The following DIS3L2 variants were observed in gnomAD, a reference collection of about 807,000 sequenced individuals.
DIS3L2 encodes DIS3 like 3'-5' exoribonuclease 2, also known as DIS3-like exonuclease 2.
In DIS3L2, 34 loss-of-function variants were observed where a neutral mutation model predicts 97.5. The observed-to-expected ratio is 0.35, with a 90% CI of 0.27 to 0.46. The LOEUF (loss-of-function observed/expected upper bound fraction) is 0.46. Among genes scored for constraint, DIS3L2 ranks in the 20% least tolerant of loss-of-function variants. The pLI is 1.00. For synonymous variants in DIS3L2, 435 were observed against 445.2 expected, an observed-to-expected ratio of 0.98 and a Z score of 0.29; for missense variants, 1,038 against 1,146.0, an observed-to-expected ratio of 0.91 and a Z score of 1.36.
intron 4 of DIS3L2, among the ~76,000 whole-genome samples, chr2:232,025,542 A>G (rs556411337): frequency 6.6e-6 from 1 of 152,282 alleles, no homozygotes; most frequent in South Asian, 2.1e-4. Context: ...TTTCTCAGTC[A>G]TATTCTGTTC....
At chr2:231,964,893 T>C (rs1692669334) in intron 1 of DIS3L2, among the ~76,000 whole-genome samples, 1 of 152,230 alleles carries the variant, frequency 6.6e-6, no homozygotes, top group Admixed American at 6.5e-5. Flanking sequence ...TGGGACTTGA[T>C]TTGTCTCTAA....
At chr2:232,130,262 C>A (rs1333962589) in intron 6 of DIS3L2, among the ~76,000 whole-genome samples, 1 of 152,014 alleles carries the variant, frequency 6.6e-6, no homozygotes, top group Non-Finnish European at 1.5e-5. Flanking sequence ...ATAAATTAAC[C>A]TATCTCTATT....
Position 232,336,874 on chromosome 2 carries a change from G to A in DIS3L2, c.*244G>A, listed in dbSNP as rs569318916. 1.1e-4 allele frequency: 147 copies of A among 1,337,584 alleles called. No individual in the cohort carries two copies. The African/African-American group carries it at 2.1e-3, about 19-fold the overall frequency. 82.9% of individuals were successfully genotyped at this position (1,337,584 alleles called of 1,614,324 possible). ...AGAGCAGGCCCCAGTCCTCCTGGGA[G>A]GCTGGCCCCCCTTTTTTCTGGGCCC... On this transcript the variant is annotated 3_prime_UTR_variant, in exon 21 of 21. Coordinates refer to ENST00000325385, the MANE Select transcript of DIS3L2 (RefSeq NM_152383.5).
chr2:232,094,926 T>C (rs1190576898), intron 6 of DIS3L2, among the ~76,000 whole-genome samples: 11 of 152,134 alleles, frequency 7.2e-5, no homozygotes, highest in Non-Finnish European at 1.6e-4. Context: ...TCTCTTCTTA[T>C]AGTTTTTGCC....
chr2:232,109,220 C>T (rs780588417), intron 6 of DIS3L2, among the ~76,000 whole-genome samples: 5 of 152,002 alleles, frequency 3.3e-5, no homozygotes, highest in South Asian at 2.1e-4. Context: ...CCAAGGCAGG[C>T]GGATCACTTG....
chr2:232,189,065 G>C (rs1377705797), intron 9 of DIS3L2, among the ~76,000 whole-genome samples: 1 of 152,064 alleles, frequency 6.6e-6, no homozygotes, highest in Non-Finnish European at 1.5e-5. Flanking sequence ...AGGCCAAATT[G>C]GCAAGAAGTT....
At chr2:231,999,340 T>C (rs1693815168) in intron 1 of DIS3L2, among the ~76,000 whole-genome samples, 1 of 152,192 alleles carries the variant, frequency 6.6e-6, no homozygotes, top group Non-Finnish European at 1.5e-5. Context: ...GATATGCTCA[T>C]TGCTACTGGA....
intron 1 of DIS3L2, among the ~76,000 whole-genome samples, chr2:231,970,223 C>T (rs989490121): frequency 5.9e-5 from 9 of 152,160 alleles, no homozygotes; most frequent in African/African-American, 2.2e-4. Flanking sequence ...GTTGGGATTA[C>T]AGGTGTGAGC....
intron 3 of DIS3L2, among the ~76,000 whole-genome samples, chr2:232,023,515 A>G (rs938421175): frequency 6.6e-6 from 1 of 152,190 alleles, no homozygotes; most frequent in Non-Finnish European, 1.5e-5. Context: ...CATGTGTTCC[A>G]GTGGCCTGAG....
At chr2:232,259,308 A>G (rs1010473098) in intron 12 of DIS3L2, among the ~76,000 whole-genome samples, 2 of 152,180 alleles carry the variant, frequency 1.3e-5, no homozygotes, top group African/African-American at 2.4e-5. Flanking sequence ...AAGGAAAAAA[A>G]AAAAGGAGCT....
intron 1 of DIS3L2, among the ~76,000 whole-genome samples, chr2:231,970,298 C>A (rs915533662): frequency 6.6e-6 from 1 of 152,066 alleles, no homozygotes; most frequent in African/African-American, 2.4e-5. Context: ...TCAAATACAG[C>A]CATTTGTTGC....
chr2:232,297,082 T>C (rs16828762), intron 13 of DIS3L2, among the ~76,000 whole-genome samples: 14,665 of 152,210 alleles, frequency 0.096, 937 homozygotes, highest in African/African-American at 0.18. Flanking sequence ...TTCCAAGTCT[T>C]GTCTCTTAGC....
chr2:232,144,150 TAA>T (rs1363201384), intron 8 of DIS3L2, among the ~76,000 whole-genome samples: 1 of 152,156 alleles, frequency 6.6e-6, no homozygotes, highest in African/African-American at 2.4e-5. Flanking sequence ...GCTCATTAAC[TAA>T]AGTTTTTCTA....
At position 232,170,183 on chromosome 2, in the gene DIS3L2, C is replaced by T. The variant is rs187812506; in HGVS notation, c.1124+6551C>T. 2.1e-3 allele frequency among the ~76,000 whole-genome samples: 318 copies of T among 152,280 alleles called. 1 individual carries two copies. Among genetic ancestry groups the T allele is most frequent in the African/African-American group, 7.3e-3 (303 of 41,552 alleles). ...AAGGAAACTGCTTAAAGGGGGGTTG[C>T]ACCAGAAGCTCAAGAAACCCAGAAG... On this transcript the variant is annotated intron_variant, in intron 9 of 20. Coordinates refer to ENST00000325385, the MANE Select transcript of DIS3L2 (RefSeq NM_152383.5).
chr2:232,215,960 C>G (rs1692321184), intron 10 of DIS3L2, among the ~76,000 whole-genome samples: 1 of 152,168 alleles, frequency 6.6e-6, no homozygotes, highest in Non-Finnish European at 1.5e-5. Context: ...GAAGACTCTT[C>G]CCCAGCAATC....
intron 5 of DIS3L2, among the ~76,000 whole-genome samples, chr2:232,078,005 C>CTTTG: frequency 8.4e-6 from 1 of 119,068 alleles, no homozygotes; most frequent in South Asian, 2.9e-4. Context: ...TTCTTTCTTT[C>CTTTG]TTTCTTTCTT....
At chr2:232,061,510 G>A (rs558321954) in intron 5 of DIS3L2, among the ~76,000 whole-genome samples, 5 of 152,282 alleles carry the variant, frequency 3.3e-5, no homozygotes, top group South Asian at 2.1e-4. Flanking sequence ...GTGAGCACAC[G>A]TACACGTATA....
chr2:232,342,236 C>T (rs62191216), intron 13 of DIS3L2, among the ~76,000 whole-genome samples: 448 of 148,904 alleles, frequency 3.0e-3, no homozygotes, highest in Non-Finnish European at 5.5e-3. Flanking sequence ...CATATATACA[C>T]ATACACATAT....
At chr2:232,271,927 T>C (rs1694016724) in intron 13 of DIS3L2, among the ~76,000 whole-genome samples, 1 of 152,226 alleles carries the variant, frequency 6.6e-6, no homozygotes, top group South Asian at 2.1e-4. Flanking sequence ...TCCCAAGGCA[T>C]GAACAATAGA....
Sources: gnomAD v4.1 joint callset for allele counts (sites outside exome capture counted in the v4.1 genomes callset) on GRCh38, gnomAD v4.1.1 for gene constraint, MANE v1.5 for transcripts, NCBI Gene and HGNC (gene_info 2026-07-23, HGNC 2026-07-21) for gene names.